The following C12orf42 variants were observed in gnomAD, a reference collection of about 807,000 sequenced individuals.
The protein encoded by C12orf42 is chromosome 12 open reading frame 42.
Under a neutral mutation model 21.6 loss-of-function variants are expected in C12orf42, and 25 were observed. The ratio of observed to expected loss-of-function variants is 1.16; its 90% CI spans 0.84 to 1.62. C12orf42 has a LOEUF of 1.62. Among genes scored for constraint, C12orf42 ranks in the 40% most tolerant of loss-of-function variants. C12orf42 has a pLI of 0.00. For synonymous variants in C12orf42, 174 were observed against 175.0 expected, an observed-to-expected ratio of 0.99 and a Z score of 0.05; for missense variants, 483 against 459.3, an observed-to-expected ratio of 1.05 and a Z score of -0.47.
the C12orf42 span, among the ~76,000 whole-genome samples, chr12:103,535,021 G>A: frequency 6.6e-6 from 1 of 152,168 alleles, no homozygotes; most frequent in Non-Finnish European, 1.5e-5. Context: ...CTGAGCTCAG[G>A]AAATCAGGGC....
At chr12:103,449,389 G>A (rs1951795632) in intron 2 of C12orf42, among the ~76,000 whole-genome samples, 1 of 149,532 alleles carries the variant, frequency 6.7e-6, no homozygotes, top group Non-Finnish European at 1.5e-5. Flanking sequence ...AGAGTACAGT[G>A]TATACCACTT....
At chr12:103,259,788 T>C (rs928036177) in intron 10 of C12orf42, among the ~76,000 whole-genome samples, 17 of 152,198 alleles carry the variant, frequency 1.1e-4, no homozygotes, top group African/African-American at 3.9e-4. Flanking sequence ...ATAACTGTTA[T>C]TGGAGACTTT....
At chr12:103,458,401 C>A (rs2137615227) in intron 2 of C12orf42, among the ~76,000 whole-genome samples, 1 of 152,068 alleles carries the variant, frequency 6.6e-6, no homozygotes, top group East Asian at 1.9e-4. Flanking sequence ...TGAAACAGAA[C>A]AAGTATGATG....
chr12:103,518,898 T>C, the C12orf42 span, among the ~76,000 whole-genome samples: 1 of 152,106 alleles, frequency 6.6e-6, no homozygotes, highest in Non-Finnish European at 1.5e-5. Context: ...TGAACCTAAA[T>C]CCCTTCTGAA....
intron 2 of C12orf42, among the ~76,000 whole-genome samples, chr12:103,469,480 G>A (rs749090694): frequency 6.6e-6 from 1 of 152,074 alleles, no homozygotes; most frequent in Non-Finnish European, 1.5e-5. Flanking sequence ...CAAATTTATT[G>A]TGTATGAATA....
chr12:103,235,479 G>A (rs184481659), downstream of C12orf42, among the ~76,000 whole-genome samples: 321 of 152,130 alleles, frequency 2.1e-3, 1 homozygote, highest in Non-Finnish European at 3.5e-3. Flanking sequence ...AATACCAATC[G>A]GTCATGGTAT....
the C12orf42 span, among the ~76,000 whole-genome samples, chr12:103,142,261 A>G: frequency 6.6e-6 from 1 of 152,212 alleles, no homozygotes; most frequent in Non-Finnish European, 1.5e-5. Context: ...ATTTTGCCCA[A>G]AGTAGATTTT....
chr12:103,054,736 T>C, the C12orf42 span, among the ~76,000 whole-genome samples: 76 of 152,068 alleles, frequency 5.0e-4, no homozygotes, highest in African/African-American at 1.8e-3. Context: ...CTTTATCAAG[T>C]TGAGGAAGTC....
At chr12:103,338,611 T>C (rs1264002461) in intron 4 of C12orf42, among the ~76,000 whole-genome samples, 12 of 152,232 alleles carry the variant, frequency 7.9e-5, no homozygotes, top group Admixed American at 7.9e-4. Context: ...CTCCACAAGA[T>C]AAGAGCCTCC....
intron 2 of C12orf42, among the ~76,000 whole-genome samples, chr12:103,443,929 T>C (rs1592840017): frequency 6.6e-6 from 1 of 152,144 alleles, no homozygotes; most frequent in African/African-American, 2.4e-5. Flanking sequence ...TATTTCCAGA[T>C]TTCATGTTGC....
chr12:103,411,583 C>G (rs1036465371), intron 2 of C12orf42, among the ~76,000 whole-genome samples: 97 of 152,242 alleles, frequency 6.4e-4, no homozygotes, highest in Non-Finnish European at 5.0e-4. Flanking sequence ...CAGGGTGGAG[C>G]CCTCATGAAT....
At chr12:103,171,138 T>A in the C12orf42 span, among the ~76,000 whole-genome samples, 5 of 152,230 alleles carry the variant, frequency 3.3e-5, no homozygotes, top group African/African-American at 1.2e-4. Context: ...TTATTGAGAT[T>A]TCTGCTAAAG....
chr12:103,405,480 G>C (rs1445567508), intron 2 of C12orf42, among the ~76,000 whole-genome samples: 1 of 152,164 alleles, frequency 6.6e-6, no homozygotes, highest in Non-Finnish European at 1.5e-5. Flanking sequence ...TCTGAGCAAA[G>C]GGATAAAGTT....
At chr12:103,491,352 T>A (rs1023782322) in intron 1 of C12orf42, among the ~76,000 whole-genome samples, 1 of 152,202 alleles carries the variant, frequency 6.6e-6, no homozygotes, top group Non-Finnish European at 1.5e-5. Context: ...ATATGTACTA[T>A]AACAAGAGGA....
the C12orf42 span, among the ~76,000 whole-genome samples, chr12:103,128,694 G>A: frequency 3.9e-5 from 6 of 152,130 alleles, no homozygotes; most frequent in African/African-American, 9.7e-5. Flanking sequence ...AGGGCATGAT[G>A]TATGGTAGGC....
intron 4 of C12orf42, among the ~76,000 whole-genome samples, chr12:103,357,038 T>C (rs868192397): frequency 3.0e-4 from 45 of 150,702 alleles, no homozygotes; most frequent in Middle Eastern, 3.4e-3. Context: ...CAGTAAACTA[T>C]CGCAAGGACA....
chr12:103,124,597 G>A, the C12orf42 span, among the ~76,000 whole-genome samples: 10 of 152,180 alleles, frequency 6.6e-5, no homozygotes, highest in South Asian at 6.3e-4. Flanking sequence ...ATGGATCTGC[G>A]GTGGTAGCAG....
At chr12:103,314,179 A>AAGGGCAGGAGAGGTGTTGGG (rs1316951051) in intron 4 of C12orf42, among the ~76,000 whole-genome samples, 11 of 151,872 alleles carry the variant, frequency 7.2e-5, no homozygotes, top group Non-Finnish European at 1.0e-4. Context: ...GATGGAGGGA[A>AAGGGCAGGAGAGGTGTTGGG]AGGGCAGGAG....
intron 1 of C12orf42, among the ~76,000 whole-genome samples, chr12:103,495,185 C>G (rs1955439086): frequency 7.0e-6 from 1 of 142,068 alleles, no homozygotes; most frequent in South Asian, 2.2e-4. Context: ...AGGGGTTAAG[C>G]GTTTATCTCA....
Sources: allele counts gnomAD v4.1 joint callset (sites outside exome capture counted in the v4.1 genomes callset), GRCh38; gene constraint gnomAD v4.1.1; transcripts MANE v1.5; gene names NCBI Gene and HGNC (gene_info 2026-07-23, HGNC 2026-07-21).